Variants in PLA2G4C observed in about 807,000 individuals in gnomAD.
The protein encoded by PLA2G4C is cytosolic phospholipase A2 gamma.
Under a neutral mutation model 73.8 loss-of-function variants are expected in PLA2G4C, and 64 were observed. The observed-to-expected ratio is 0.87, with a 90% CI of 0.71 to 1.07. The LOEUF (loss-of-function observed/expected upper bound fraction) is 1.07, where lower values mean the gene tolerates loss of function less well. PLA2G4C is among the 50% of genes least tolerant of loss of function. The probability of loss-of-function intolerance (pLI) is 0.00; values close to 1 mark genes in which losing one functional copy is unlikely to be tolerated. For missense variants in PLA2G4C, 622 were observed against 665.4 expected, an observed-to-expected ratio of 0.93 and a Z score of 0.72; for synonymous variants, 254 against 252.1, an observed-to-expected ratio of 1.01 and a Z score of -0.07.
chr19:48,090,501 A>G, intron 7 of PLA2G4C, 84 bp from the exon 8 acceptor site: 1 of 955,360 alleles, frequency 1.0e-6, no homozygotes, highest in Non-Finnish European at 1.7e-6. Context: ...GCAGACTGGC[A>G]TAAAGCACTG....
chr19:48,068,328 G>A (rs548591928), intron 12 of PLA2G4C, among the ~76,000 whole-genome samples: 1 of 140,956 alleles, frequency 7.1e-6, no homozygotes, highest in African/African-American at 2.7e-5. Context: ...AAAAAAAAGT[G>A]GGGGGGTCAT....
intron 1 of PLA2G4C, among the ~76,000 whole-genome samples, chr19:48,108,515 G>C (rs1373558540): frequency 6.6e-6 from 1 of 152,160 alleles, no homozygotes; most frequent in Non-Finnish European, 1.5e-5. Context: ...TGCGACCCCT[G>C]GTTACGTGAC....
At position 48,105,925 on chromosome 19, in the gene PLA2G4C, C is replaced by CTTT. The variant is rs2032191252; in HGVS notation, c.9-482_9-481insAAA. On this transcript the variant is annotated intron_variant, in intron 2 of 16. Transcript: ENST00000599921. ...TCCCTCCCTCCCTCCCTCCCTCCCT[C>CTTT]CCTCCCTCCCTCCCTCCCTCCCTTC... is the stretch of plus-strand genomic sequence containing the variant. 1.2e-3 allele frequency among the ~76,000 whole-genome samples: 17 copies of CTTT among 13,906 alleles called. 3 individuals are homozygous for CTTT. The highest frequency in any genetic ancestry group is 1.7e-3 in the Non-Finnish European group (15 of 9,038). The allele number at this position is 13,906 out of a possible 152,430, so 9.1% of individuals were successfully genotyped here.
chr19:48,075,156 T>G lies in PLA2G4C; in HGVS notation c.899-282A>C, dbSNP rs80108134. ...CAGGGTTGGAGGCAAAGTCTCCCAT[T>G]TATTTATTTATTTATTTATTTATTT... On this transcript the variant is annotated intron_variant, in intron 11 of 16. Coordinates refer to ENST00000599921, the MANE Select transcript of PLA2G4C (RefSeq NM_003706.3). Among the ~76,000 whole-genome samples the G allele has an allele frequency of 4.4e-4, 19 of 43,408 alleles. No homozygotes were observed. In the East Asian group the frequency reaches 7.6e-3, roughly 17 times the overall value. The allele number at this position is 43,408 out of a possible 152,430, so 28.5% of individuals were successfully genotyped here. A position where few individuals can be genotyped will look rare whatever the true frequency, so the allele number is the denominator to read the frequency against.
intron 2 of PLA2G4C, 124 bp downstream of exon 2, chr19:48,106,398 C>A: frequency 1.2e-6 from 1 of 802,500 alleles, no homozygotes; most frequent in Non-Finnish European, 2.1e-6. Context: ...CAACCTTCAG[C>A]TCTTTCCATC....
chr19:48,063,321 C>T (rs1217687011), intron 13 of PLA2G4C, among the ~76,000 whole-genome samples: 1 of 152,134 alleles, frequency 6.6e-6, no homozygotes, highest in Non-Finnish European at 1.5e-5. Context: ...GCATTACAGG[C>T]GTGAGCCACG....
intron 10 of PLA2G4C, among the ~76,000 whole-genome samples, chr19:48,079,977 A>G (rs1447027131): frequency 6.6e-6 from 1 of 152,208 alleles, no homozygotes; most frequent in Non-Finnish European, 1.5e-5. Context: ...AAACAAATAT[A>G]TGGGACCTGA....
chr19:48,053,367 T>TTTC (rs1967802307), intron 15 of PLA2G4C, among the ~76,000 whole-genome samples: 11 of 132,360 alleles, frequency 8.3e-5, no homozygotes, highest in African/African-American at 3.0e-4. Context: ...CTTTTTTCTT[T>TTTC]TTTTTTTTTT....
At chr19:48,099,939 G>A in intron 4 of PLA2G4C, 79 bp from the exon 5 acceptor site, 2 of 935,510 alleles carry the variant, frequency 2.1e-6, no homozygotes, top group Non-Finnish European at 3.3e-6. Context: ...GTGCAAGGAG[G>A]TCCTTCACAG....
At chr19:48,051,181 C>T (rs897808977) in intron 16 of PLA2G4C, among the ~76,000 whole-genome samples, 2 of 152,130 alleles carry the variant, frequency 1.3e-5, no homozygotes, top group Non-Finnish European at 2.9e-5. Context: ...CCAAGGAATG[C>T]GGGTGGCCCC....
At chr19:48,078,839 T>C (rs1316170970) in intron 10 of PLA2G4C, among the ~76,000 whole-genome samples, 2 of 151,066 alleles carry the variant, frequency 1.3e-5, no homozygotes, top group South Asian at 2.1e-4. Context: ...CAAAATACTA[T>C]CATTTTTCAC....
At chr19:48,071,311 AC>A (rs1600189639) in intron 12 of PLA2G4C, among the ~76,000 whole-genome samples, 1 of 152,162 alleles carries the variant, frequency 6.6e-6, no homozygotes. Flanking sequence ...TTTTTTTGAG[AC>A]AGAGTTTCAC....
intron 14 of PLA2G4C, among the ~76,000 whole-genome samples, chr19:48,059,663 C>T (rs1187296614): frequency 6.6e-6 from 1 of 152,030 alleles, no homozygotes; most frequent in Admixed American, 6.6e-5. Context: ...CATCACACTC[C>T]AGGTTTTTTG....
rs754717707 is a variant in PLA2G4C, at chr19:48,110,495, G to A, written c.-41C>T. On this transcript the variant is annotated 5_prime_UTR_variant, in exon 1 of 17. Transcript: ENST00000599921. ...CTGCCCCCACGGCTTGCCTGAGCCT[G>A]GGTCTGGGGCGTGTGCGCATGCGCG... 22 of 1,314,050 alleles carry A rather than the reference G, an allele frequency of 1.7e-5. No homozygotes were observed. In the South Asian group the frequency reaches 2.0e-4, roughly 12 times the overall value. 81.4% of individuals were successfully genotyped at this position (1,314,050 alleles called of 1,614,324 possible).
At chr19:48,054,414 C>A (rs1967851083) in intron 15 of PLA2G4C, among the ~76,000 whole-genome samples, 1 of 152,152 alleles carries the variant, frequency 6.6e-6, no homozygotes, top group African/African-American at 2.4e-5. Flanking sequence ...AGCGATTCTC[C>A]TGCCTCAGCC....
Position 48,048,764 on chromosome 19 carries a change from A to G in PLA2G4C, c.1581-376T>C, listed in dbSNP as rs189208624. ...GTGCTTCCCCTACCCTGATCCAGCA[A>G]TAACAGCTTTCCTTCTGTTCCTCGA... On this transcript the variant is annotated intron_variant, in intron 16 of 16. Coordinates refer to ENST00000599921, the MANE Select transcript of PLA2G4C (RefSeq NM_003706.3). Among the ~76,000 whole-genome samples, 185 of 152,302 alleles carry G rather than the reference A, an allele frequency of 1.2e-3. 2 individuals carry two copies. Among genetic ancestry groups the G allele is most frequent in the African/African-American group, 4.3e-3 (179 of 41,564 alleles).
In PLA2G4C at chr19:48,098,138, C is replaced by A. The variant is rs1051265169; in HGVS notation, c.568+1G>T. 12 of 1,613,218 alleles carry A rather than the reference C, an allele frequency of 7.4e-6. No homozygotes were observed. Among genetic ancestry groups the A allele is most frequent in the South Asian group, 1.1e-5 (1 of 90,940 alleles). On this transcript the variant is annotated splice_donor_variant, in intron 6 of 16. Transcript: ENST00000599921. LOFTEE classifies it high-confidence loss of function. Reference sequence around the variant, plus strand: ...CTCCCTCCCTCTAAATGTTTGCTTACCTGGTGCTCTTGCCTCCTGCCAGGA... The same window carrying A: ...CTCCCTCCCTCTAAATGTTTGCTTAACTGGTGCTCTTGCCTCCTGCCAGGA...
Position 48,074,993 on chromosome 19 carries a change from T to C in PLA2G4C, c.899-119A>G. On this transcript the variant is annotated intron_variant, in intron 11 of 16. Transcript: ENST00000599921. ...TGCGGTTCCTCCTGAGGTGACCTCC[T>C]TCTCCAGGTGACCCTCTCTCCCCTT... is the stretch of plus-strand genomic sequence containing the variant. The C allele has an allele frequency of 8.1e-6, 5 of 615,848 alleles. No homozygotes were observed. In the South Asian group the frequency reaches 1.0e-4, roughly 13 times the overall value. The allele number at this position is 615,848 out of a possible 1,614,324, so 38.1% of individuals were successfully genotyped here. A position where few individuals can be genotyped will look rare whatever the true frequency, so the allele number is the denominator to read the frequency against.
chr19:48,089,242 C>G (rs1197647082), intron 8 of PLA2G4C, among the ~76,000 whole-genome samples: 2 of 152,120 alleles, frequency 1.3e-5, no homozygotes, highest in Non-Finnish European at 2.9e-5. Context: ...GCCTGGCCAA[C>G]ATGGTGAAAT....
Sources: gnomAD v4.1 joint callset for allele counts (sites outside exome capture counted in the v4.1 genomes callset) on GRCh38, gnomAD v4.1.1 for gene constraint, MANE v1.5 for transcripts, NCBI Gene and HGNC (gene_info 2026-07-23, HGNC 2026-07-21) for gene names.